The following ALG13 variants were observed in gnomAD, a reference collection of about 807,000 sequenced individuals.
The protein encoded by ALG13 is UDP-N-acetylglucosamine transferase subunit ALG13.
Under a neutral mutation model 87.8 loss-of-function variants are expected in ALG13, and 11 were observed. The ratio of observed to expected loss-of-function variants is 0.13; its 90% CI spans 0.08 to 0.21. The LOEUF is 0.21. Among genes scored for constraint, ALG13 ranks in the 10% least tolerant of loss-of-function variants. ALG13 has a pLI of 1.00. For synonymous variants in ALG13, 320 were observed against 306.3 expected (o/e 1.04, Z -0.47); for missense variants, 756 against 866.1 (o/e 0.87, Z 1.60).
At chrX:111,758,325 T>C (rs1229196270) in intron 26 of ALG13, among the ~76,000 whole-genome samples, 1 of 112,083 alleles carries the variant, frequency 8.9e-6, no homozygotes, top group African/African-American at 3.2e-5. Flanking sequence ...AAGCTATCAT[T>C]ATTCACACTT....
intron 23 of ALG13, among the ~76,000 whole-genome samples, chrX:111,742,049 G>A (rs1372951857): frequency 3.6e-5 from 4 of 111,666 alleles, no homozygotes; most frequent in Non-Finnish European, 7.5e-5. Flanking sequence ...GAAAGATTAC[G>A]ATTTAAATGC....
intron 26 of ALG13, among the ~76,000 whole-genome samples, chrX:111,758,898 G>A (rs1037625428): frequency 1.8e-5 from 2 of 111,536 alleles, no homozygotes; most frequent in African/African-American, 3.3e-5. Flanking sequence ...TCAGGAGTTC[G>A]TACCTGACTT....
At chrX:111,711,585 CAA>C in intron 5 of ALG13, 88 bp from the exon 6 acceptor site, 1 of 863,570 alleles carries the variant, frequency 1.2e-6, no homozygotes, top group East Asian at 3.3e-5. Context: ...TTGAGCTGAG[CAA>C]AAAACGCATT....
intron 25 of ALG13, 76 bp downstream of exon 25, chrX:111,752,906 A>G: frequency 1.3e-6 from 1 of 783,872 alleles, no homozygotes; most frequent in Non-Finnish European, 1.9e-6. Flanking sequence ...AGACTCTTGA[A>G]CTTCGAAAGC....
intron 1 of ALG13, chrX:111,681,845 T>G: frequency 3.4e-6 from 3 of 884,349 alleles, no homozygotes; most frequent in Non-Finnish European, 4.1e-6. Flanking sequence ...GAACGGGTAG[T>G]GCCTGGGTTC....
In ALG13 at chrX:111,730,540, C is replaced by T; in HGVS notation, c.2417C>T (p.Thr806Ile). 8.4e-7 allele frequency: 1 copy of T among 1,193,257 alleles called. No homozygotes were observed. Among genetic ancestry groups the T allele is most frequent in the Non-Finnish European group, 1.1e-6 (1 of 885,227 alleles). Residue 806 changes from threonine to isoleucine, a missense_variant, in exon 21 of 27, where the codon ACT becomes ATT. This residue lies in a region of ALG13 where 362 missense variants were observed against 383.5 expected (regional missense o/e 0.94). Coordinates refer to ENST00000394780, the MANE Select transcript of ALG13 (RefSeq NM_001099922.3). ...TATTCTCTAGAGCCAGACTATGAAA[C>T]TTCAGGTGTTTATAGCACAACTGCA... ...YLYRAEPDYETSGVYSTTAST... is the reference protein window; with the variant it reads ...YLYRAEPDYEISGVYSTTAST...
chrX:111,755,967 A>G (rs895624651), intron 25 of ALG13, among the ~76,000 whole-genome samples: 2 of 112,633 alleles, frequency 1.8e-5, no homozygotes, highest in African/African-American at 3.2e-5. Flanking sequence ...ATGCACATGT[A>G]TGTTTACTGC....
chrX:111,760,154 TTTAAAA>T lies in ALG13; in HGVS notation c.*160_*165del. The T allele has an allele frequency of 1.5e-6, 1 of 663,135 alleles. No homozygotes were observed. The highest frequency in any genetic ancestry group is 2.2e-6 in the Non-Finnish European group (1 of 464,954). The allele number at this position is 663,135 out of a possible 1,213,427, so 54.6% of individuals were successfully genotyped here. On this transcript the variant is annotated 3_prime_UTR_variant, in exon 27 of 27. Coordinates refer to ENST00000394780, the MANE Select transcript of ALG13 (RefSeq NM_001099922.3). Reference sequence around the variant, plus strand: ...TTTATCTTTTGATTTAAAATAGTACTTTAAAATTAAGGGGTATTATTTTGGGCTGTG... The same window carrying T: ...TTTATCTTTTGATTTAAAATAGTACTTTAAGGGGTATTATTTTGGGCTGTG...
chrX:111,724,134 T>C (rs746975530), intron 14 of ALG13, among the ~76,000 whole-genome samples: 6 of 112,202 alleles, frequency 5.3e-5, no homozygotes, highest in African/African-American at 9.7e-5. Flanking sequence ...ATTAGAAATA[T>C]TAAGTACAAC....
intron 1 of ALG13, chrX:111,681,793 C>T (rs1250520929): frequency 6.0e-6 from 5 of 834,651 alleles, no homozygotes; most frequent in African/African-American, 4.4e-5. Context: ...CGCGCGTCGT[C>T]CCCTCAGGGC....
intron 21 of ALG13, 47 bp downstream of exon 21, chrX:111,730,627 A>G: frequency 1.0e-6 from 1 of 982,244 alleles, no homozygotes; most frequent in Non-Finnish European, 1.4e-6. Context: ...ACTATGTACT[A>G]GGGCACTGTT....
At chrX:111,748,605 T>G (rs1569522655) in intron 24 of ALG13, among the ~76,000 whole-genome samples, 1 of 112,006 alleles carries the variant, frequency 8.9e-6, no homozygotes, top group Non-Finnish European at 1.9e-5. Context: ...ATTGGGTGCT[T>G]GTTATTGAGT....
intron 3 of ALG13, among the ~76,000 whole-genome samples, chrX:111,707,211 A>G (rs188656255): frequency 2.4e-4 from 27 of 112,231 alleles, no homozygotes; most frequent in African/African-American, 8.4e-4. Context: ...CACATCTCTC[A>G]TTGTCCAACT....
chrX:111,718,596 C>A (rs900926516), intron 10 of ALG13, among the ~76,000 whole-genome samples: 2 of 111,942 alleles, frequency 1.8e-5, no homozygotes, highest in African/African-American at 6.5e-5. Context: ...CCTACTGTCA[C>A]AAAATTTGAG....
At chrX:111,688,721 G>A (rs1226288956) in intron 3 of ALG13, 2 of 745,525 alleles carry the variant, frequency 2.7e-6, no homozygotes, top group Non-Finnish European at 3.2e-6. Flanking sequence ...AACATTAACT[G>A]TAACAGAAAT....
At chrX:111,713,376 TTAACC>T in intron 8 of ALG13, 79 bp downstream of exon 8, 1 of 635,124 alleles carries the variant, frequency 1.6e-6, no homozygotes. Context: ...TAAATCATTT[TTAACC>T]TAATTAATGA....
At chrX:111,709,292 C>T (rs765553932) in intron 5 of ALG13, among the ~76,000 whole-genome samples, 4 of 112,176 alleles carry the variant, frequency 3.6e-5, no homozygotes, top group South Asian at 3.7e-4. Flanking sequence ...CCTCGTCCTA[C>T]GCCAAGAACT....
Position 111,725,003 on chromosome X carries a change from G to T in ALG13, c.1671G>T (p.Met557Ile), listed in dbSNP as rs770882260. The change falls in exon 15 of 27, where the codon ATG becomes ATT. Residue 557 changes from methionine to isoleucine, a missense_variant. Met to Ile is a conservative substitution (Grantham distance 10, BLOSUM62 1). Coordinates refer to ENST00000394780, the MANE Select transcript of ALG13 (RefSeq NM_001099922.3). ...QVMSVPAWNA[M>I]PSRKGRGYQK... Reference sequence around the variant, plus strand: ...TGTCTGTTCCTGCCTGGAATGCTATGCCCAGTCGGAAAGGAAGAGGTTACC... The same window carrying T: ...TGTCTGTTCCTGCCTGGAATGCTATTCCCAGTCGGAAAGGAAGAGGTTACC... 2 of 1,210,851 alleles carry T rather than the reference G, an allele frequency of 1.7e-6. No homozygotes were observed. The highest frequency in any genetic ancestry group is 2.3e-4 in the Middle Eastern group (1 of 4,349).
At chrX:111,753,129 G>T (rs1053082829) in intron 25 of ALG13, 1 of 186,183 alleles carries the variant, frequency 5.4e-6, no homozygotes, top group Middle Eastern at 1.7e-3. Flanking sequence ...TTTTCACTGT[G>T]GTGTTCTGTC....
Sources: gnomAD v4.1 joint callset for allele counts (sites outside exome capture counted in the v4.1 genomes callset) on GRCh38, gnomAD v4.1.1 for gene constraint, gnomAD v4.1.1 regional missense constraint, MANE v1.5 for transcripts, NCBI Gene and HGNC (gene_info 2026-07-23, HGNC 2026-07-21) for gene names.